The following PCCA variants were observed in gnomAD, a reference collection of about 807,000 sequenced individuals.
PCCA encodes the protein propionyl-CoA carboxylase alpha chain, mitochondrial.
A neutral mutation model predicts 101.3 loss-of-function variants in PCCA; 74 were observed. The ratio of observed to expected loss-of-function variants is 0.73; its 90% confidence interval spans 0.61 to 0.89. The LOEUF (loss-of-function observed/expected upper bound fraction) is 0.89. Among genes scored for constraint, PCCA ranks in the 40% least tolerant of loss-of-function variants. The pLI is 0.00. For synonymous variants in PCCA, 294 were observed against 313.6 expected, an observed-to-expected ratio of 0.94 and a Z score of 0.66; for missense variants, 891 against 907.0, an observed-to-expected ratio of 0.98 and a Z score of 0.23.
chr13:100,469,729 G>A lies in PCCA; in HGVS notation c.1899+20424G>A, dbSNP rs376303316. On this transcript the variant is annotated intron_variant, in intron 21 of 23. Coordinates refer to ENST00000376285, the MANE Select transcript of PCCA (RefSeq NM_000282.4). Reference sequence around the variant, plus strand: ...CCGGAGGCTGAGGTTGCAGTAAGCCGAGATCTCACCACTGCACTCCAGCCT... The same window carrying A: ...CCGGAGGCTGAGGTTGCAGTAAGCCAAGATCTCACCACTGCACTCCAGCCT... Among the ~76,000 whole-genome samples the A allele has an allele frequency of 2.7e-5, 4 of 149,996 alleles. No individual in the cohort carries two copies. The East Asian group carries it at 6.0e-4, about 22-fold the overall frequency.
chr13:100,499,767 G>C (rs1566463902), intron 21 of PCCA, among the ~76,000 whole-genome samples: 1 of 152,226 alleles, frequency 6.6e-6, no homozygotes, highest in Non-Finnish European at 1.5e-5. Flanking sequence ...AGCAAGACAA[G>C]TATATTTGAC....
chr13:100,371,391 G>C (rs1297523042), intron 19 of PCCA, among the ~76,000 whole-genome samples: 1 of 152,210 alleles, frequency 6.6e-6, no homozygotes, highest in Admixed American at 6.5e-5. Context: ...ACTATAAAAT[G>C]TTGCTGAAAG....
chr13:100,263,802 TATAC>T (rs199528691), intron 10 of PCCA, among the ~76,000 whole-genome samples: 22 of 146,370 alleles, frequency 1.5e-4, no homozygotes, highest in South Asian at 2.1e-4. Flanking sequence ...GTATATCATA[TATAC>T]AGTATCTGTA....
chr13:100,372,981 T>A (rs973909272), intron 19 of PCCA, among the ~76,000 whole-genome samples: 1 of 152,200 alleles, frequency 6.6e-6, no homozygotes, highest in Non-Finnish European at 1.5e-5. Context: ...TGACTTCAGG[T>A]GATCCACCCA....
intron 19 of PCCA, among the ~76,000 whole-genome samples, chr13:100,416,143 T>G (rs530621569): frequency 2.6e-5 from 4 of 152,292 alleles, no homozygotes; most frequent in East Asian, 1.9e-4. Context: ...GATAGGTGGA[T>G]TATGACATGT....
intron 6 of PCCA, among the ~76,000 whole-genome samples, chr13:100,182,825 G>A (rs1466982912): frequency 6.6e-6 from 1 of 152,028 alleles, no homozygotes; most frequent in African/African-American, 2.4e-5. Flanking sequence ...ACCCTGATAG[G>A]TCTAGTTTGG....
intron 19 of PCCA, among the ~76,000 whole-genome samples, chr13:100,371,471 A>G (rs1340173831): frequency 1.3e-5 from 2 of 152,162 alleles, no homozygotes; most frequent in African/African-American, 4.8e-5. Flanking sequence ...ATATGGTTAA[A>G]ATATCAGTAC....
chr13:100,261,270 A>T (rs548633468), intron 9 of PCCA, among the ~76,000 whole-genome samples: 3 of 152,264 alleles, frequency 2.0e-5, no homozygotes, highest in African/African-American at 7.2e-5. Flanking sequence ...AATGTAAAGG[A>T]ATTAAATTTT....
At chr13:100,325,526 C>T (rs936446725) in intron 16 of PCCA, among the ~76,000 whole-genome samples, 1 of 151,950 alleles carries the variant, frequency 6.6e-6, no homozygotes, top group Non-Finnish European at 1.5e-5. Flanking sequence ...GACGCAAGTG[C>T]CTTATTCTGA....
intron 7 of PCCA, among the ~76,000 whole-genome samples, chr13:100,224,129 C>T (rs912816198): frequency 6.6e-6 from 1 of 152,208 alleles, no homozygotes; most frequent in Non-Finnish European, 1.5e-5. Flanking sequence ...GCTCTGGCCC[C>T]ACAGGAGCCC....
chr13:100,494,677 C>A (rs1353139407), intron 21 of PCCA, among the ~76,000 whole-genome samples: 27 of 143,636 alleles, frequency 1.9e-4, no homozygotes, highest in South Asian at 2.2e-4. Flanking sequence ...GAGCAAAACT[C>A]AAAAAAAAAA....
In PCCA at chr13:100,112,223, A is replaced by G. The variant is rs1176816446; in HGVS notation, c.300+162A>G. On this transcript the variant is annotated intron_variant, in intron 4 of 23. Coordinates refer to ENST00000376285, the MANE Select transcript of PCCA (RefSeq NM_000282.4). ...TTAAGCAAAACGACAGTATCACAGT[A>G]TCTTCTATATGTGCCGTAAGTATTT... Among the ~76,000 whole-genome samples the G allele has an allele frequency of 7.9e-5, 12 of 152,228 alleles. No individual in the cohort carries two copies. In the South Asian group the frequency reaches 1.4e-3, roughly 18 times the overall value.
chr13:100,257,514 T>G, intron 8 of PCCA, 81 bp from the exon 9 acceptor site: 1 of 957,136 alleles, frequency 1.0e-6, no homozygotes. Flanking sequence ...TTCTGCGTTA[T>G]TGAACATGTG....
chr13:100,182,069 T>G (rs2056838739), intron 6 of PCCA, among the ~76,000 whole-genome samples: 1 of 150,094 alleles, frequency 6.7e-6, no homozygotes, highest in African/African-American at 2.4e-5. Flanking sequence ...GAAAGAACAC[T>G]TAGTTACTAA....
At chr13:100,445,205 T>C (rs2080733394) in intron 20 of PCCA, among the ~76,000 whole-genome samples, 1 of 152,200 alleles carries the variant, frequency 6.6e-6, no homozygotes, top group Non-Finnish European at 1.5e-5. Context: ...AGGGCATTAA[T>C]CTATTCATGA....
At chr13:100,266,198 G>A (rs146310689) in intron 10 of PCCA, among the ~76,000 whole-genome samples, 1 of 152,250 alleles carries the variant, frequency 6.6e-6, no homozygotes, top group East Asian at 1.9e-4. Flanking sequence ...TTCGTAACAG[G>A]CCATGAGGTC....
At chr13:100,188,575 A>G (rs9518019) in intron 6 of PCCA, among the ~76,000 whole-genome samples, 107,248 of 152,168 alleles carry the variant, frequency 0.7, 38,874 homozygotes, top group African/African-American at 0.88. Context: ...TAGACACCCA[A>G]TAATGGGATT....
At chr13:100,529,821 A>G (rs761541598) in intron 23 of PCCA, among the ~76,000 whole-genome samples, 12 of 152,162 alleles carry the variant, frequency 7.9e-5, no homozygotes, top group Non-Finnish European at 1.3e-4. Context: ...CCACAGCGCA[A>G]ATGCTCCGGA....
intron 21 of PCCA, among the ~76,000 whole-genome samples, chr13:100,455,721 A>G (rs2081658239): frequency 6.6e-6 from 1 of 151,224 alleles, no homozygotes; most frequent in Non-Finnish European, 1.5e-5. Context: ...TTTTTTTGAG[A>G]CAGAGTCTCC....
Sources: gnomAD v4.1 joint callset for allele counts (sites outside exome capture counted in the v4.1 genomes callset) on GRCh38, gnomAD v4.1.1 for gene constraint, MANE v1.5 for transcripts, NCBI Gene and HGNC (gene_info 2026-07-23, HGNC 2026-07-21) for gene names.